SLCO4C1: variants seen among roughly 807,000 people sequenced by gnomAD.
SLCO4C1 encodes the protein organic anion transporter M1.
Under a neutral mutation model 72.1 loss-of-function variants are expected in SLCO4C1, and 58 were observed. That is an observed-to-expected ratio of 0.80 (90% confidence interval 0.65 to 1.00). The LOEUF (loss-of-function observed/expected upper bound fraction) is 1.00. Among genes scored for constraint, SLCO4C1 ranks in the 50% least tolerant of loss-of-function variants. SLCO4C1 has a pLI of 0.00. For synonymous variants in SLCO4C1, 297 were observed against 312.5 expected (o/e 0.95, Z 0.52); for missense variants, 898 against 857.9 (o/e 1.05, Z -0.58).
intron 2 of SLCO4C1, among the ~76,000 whole-genome samples, chr5:102,277,680 G>C (rs1012660173): frequency 6.6e-6 from 1 of 152,036 alleles, no homozygotes; most frequent in Non-Finnish European, 1.5e-5. Context: ...CTTGGACTTC[G>C]ATGCCACTCG....
chr5:102,279,224 A>G (rs1396454424), intron 2 of SLCO4C1, among the ~76,000 whole-genome samples: 4 of 151,950 alleles, frequency 2.6e-5, no homozygotes, highest in East Asian at 1.9e-4. Flanking sequence ...TTATATACAT[A>G]AATTTGACAA....
At chr5:102,279,852 G>C (rs1417831570) in intron 2 of SLCO4C1, among the ~76,000 whole-genome samples, 2 of 151,872 alleles carry the variant, frequency 1.3e-5, no homozygotes, top group African/African-American at 4.8e-5. Context: ...GAAATCACAT[G>C]AACAATTGAT....
intron 12 of SLCO4C1, among the ~76,000 whole-genome samples, chr5:102,238,751 C>G (rs1254654547): frequency 6.6e-6 from 1 of 152,038 alleles, no homozygotes; most frequent in Non-Finnish European, 1.5e-5. Context: ...TCATTCATTG[C>G]TTAACCAAGA....
At chr5:102,244,581 T>A (rs1254556962) in intron 10 of SLCO4C1, among the ~76,000 whole-genome samples, 1 of 152,070 alleles carries the variant, frequency 6.6e-6, no homozygotes, top group Non-Finnish European at 1.5e-5. Context: ...GAAGACTACC[T>A]CAAGGCATTT....
In SLCO4C1 at chr5:102,234,196, A is replaced by C. The variant is rs1748393428; in HGVS notation, c.*2662T>G. The C allele has an allele frequency of 6.6e-6, 1 of 152,620 alleles. No homozygotes were observed. The highest frequency in any genetic ancestry group is 2.4e-5 in the African/African-American group (1 of 41,462). 9.5% of individuals were successfully genotyped at this position (152,620 alleles called of 1,614,324 possible). On this transcript the variant is annotated 3_prime_UTR_variant, in exon 13 of 13. Coordinates refer to ENST00000310954, the MANE Select transcript of SLCO4C1 (RefSeq NM_180991.5). ...ATCTAAATGTTAAATTTTAACACAT[A>C]TATCCAATTATGTACACAATTACAA...
At chr5:102,247,080 A>G (rs1032719369) in intron 10 of SLCO4C1, among the ~76,000 whole-genome samples, 172 bp downstream of exon 10, 2 of 152,090 alleles carry the variant, frequency 1.3e-5, no homozygotes, top group African/African-American at 4.8e-5. Flanking sequence ...TAAATCTCCT[A>G]CATCTGGGGT....
intron 3 of SLCO4C1, among the ~76,000 whole-genome samples, chr5:102,265,132 T>C (rs904744878): frequency 6.6e-6 from 1 of 152,076 alleles, no homozygotes; most frequent in Non-Finnish European, 1.5e-5. Flanking sequence ...AAAATGGCTA[T>C]ATAGATTCTT....
intron 7 of SLCO4C1, 93 bp from the exon 8 acceptor site, chr5:102,257,403 T>A (rs7713888): frequency 0.017 from 16,177 of 968,616 alleles, 933 homozygotes; most frequent in African/African-American, 0.16. Flanking sequence ...AGTGTCAATA[T>A]GGTTTTAACT....
chr5:102,257,633 T>C (rs1404505335), intron 7 of SLCO4C1, among the ~76,000 whole-genome samples: 1 of 151,564 alleles, frequency 6.6e-6, no homozygotes, highest in African/African-American at 2.4e-5. Flanking sequence ...TTTTTTTTTT[T>C]TTAAAGACAA....
chr5:102,270,904 T>G, intron 2 of SLCO4C1, 98 bp from the exon 3 acceptor site: 1 of 912,064 alleles, frequency 1.1e-6, no homozygotes. Context: ...ATAACCTTAT[T>G]TATTTCTTCC....
chr5:102,239,373 G>T lies in SLCO4C1; in HGVS notation c.1892C>A (p.Pro631Gln). Residue 631 changes from proline to glutamine, a missense_variant, in exon 12 of 13, where the codon CCA (proline) becomes CAA (glutamine). Coordinates refer to ENST00000310954, the MANE Select transcript of SLCO4C1 (RefSeq NM_180991.5). ...VLRLLGTIPG[P>Q]IIFGFTIDST... is the part of the protein sequence containing the mutation. ...GTCTATTGTGAAACCAAATATAATTGGTCCAGGAATTGTCCCTAAAAGAAT... is the reference window on the plus strand; with the variant it reads ...GTCTATTGTGAAACCAAATATAATTTGTCCAGGAATTGTCCCTAAAAGAAT... The T allele has an allele frequency of 6.3e-7, 1 of 1,579,602 alleles. No homozygotes were observed. The highest frequency in any genetic ancestry group is 8.6e-7 in the Non-Finnish European group (1 of 1,164,768).
rs140917759 is a variant in SLCO4C1, at chr5:102,247,301, T to C, written c.1762A>G (p.Ile588Val). 5.2e-4 allele frequency: 823 copies of C among 1,583,692 alleles called. 2 individuals are homozygous for C. The highest frequency in any genetic ancestry group is 6.9e-4 in the Non-Finnish European group (800 of 1,158,542). ...PIFLCIFFIVIIFTFMAGTPI... is the reference protein window; with the variant it reads ...PIFLCIFFIVVIFTFMAGTPI... ...GTACCGGCCATAAAGGTAAAAATAA[T>C]TACAATAAAGAAAATGCAAAGGAAT... Residue 588 changes from isoleucine to valine, a missense_variant, in exon 10 of 13, where the codon ATT becomes GTT. By Grantham distance (29) the Ile-to-Val change is conservative. Transcript: ENST00000310954.
chr5:102,270,611 A>G lies in SLCO4C1; in HGVS notation c.802+13T>C. On this transcript the variant is annotated intron_variant, in intron 3 of 12. Coordinates refer to ENST00000310954, the MANE Select transcript of SLCO4C1 (RefSeq NM_180991.5). ...ATAAAGTGATACTGAGACAGTTTAG[A>G]GAGTAAACTTACCTATATAGAGAGA... 1 of 1,589,274 alleles carries G rather than the reference A, an allele frequency of 6.3e-7. No individual in the cohort carries two copies. Among genetic ancestry groups the G allele is most frequent in the South Asian group, 1.2e-5 (1 of 86,596 alleles).
At chr5:102,291,284 T>G in intron 2 of SLCO4C1, 59 bp downstream of exon 2, 3 of 1,537,130 alleles carry the variant, frequency 2.0e-6, no homozygotes, top group South Asian at 2.4e-5. Context: ...ATAAAGTTAA[T>G]GACCTAGTTT....
At chr5:102,271,775 A>G (rs1749156676) in intron 2 of SLCO4C1, among the ~76,000 whole-genome samples, 1 of 152,122 alleles carries the variant, frequency 6.6e-6, no homozygotes, top group Non-Finnish European at 1.5e-5. Context: ...TTCCATAATT[A>G]CACAAACAAT....
chr5:102,287,735 T>G (rs937398435), intron 2 of SLCO4C1, among the ~76,000 whole-genome samples: 2 of 151,930 alleles, frequency 1.3e-5, no homozygotes, highest in Non-Finnish European at 2.9e-5. Context: ...TTTGTATTTT[T>G]AGTAGAGACG....
chr5:102,241,935 G>A (rs1161569667), intron 10 of SLCO4C1, among the ~76,000 whole-genome samples: 1 of 152,102 alleles, frequency 6.6e-6, no homozygotes, highest in Admixed American at 6.6e-5. Flanking sequence ...ATTCCTGAAA[G>A]AGGCACTGAA....
At chr5:102,270,866 C>T in intron 2 of SLCO4C1, 60 bp from the exon 3 acceptor site, 3 of 1,312,104 alleles carry the variant, frequency 2.3e-6, no homozygotes, top group Non-Finnish European at 3.1e-6. Flanking sequence ...AAATTTCTAT[C>T]ATATAAATTA....
At chr5:102,267,013 A>G (rs1749053984) in intron 3 of SLCO4C1, among the ~76,000 whole-genome samples, 1 of 152,126 alleles carries the variant, frequency 6.6e-6, no homozygotes, top group Admixed American at 6.6e-5. Context: ...TTGATGTGCC[A>G]TTGAATTTGG....
Sources: gnomAD v4.1 joint callset for allele counts (sites outside exome capture counted in the v4.1 genomes callset) on GRCh38, gnomAD v4.1.1 for gene constraint, MANE v1.5 for transcripts, NCBI Gene and HGNC (gene_info 2026-07-23, HGNC 2026-07-21) for gene names.